Variants in PARP15 observed in about 807,000 individuals in gnomAD.
The protein encoded by PARP15 is protein mono-ADP-ribosyltransferase PARP15.
PARP15 carries 50 observed loss-of-function variants against 62.1 expected under a neutral mutation model. The observed-to-expected ratio is 0.81, with a 90% confidence interval of 0.64 to 1.02. The LOEUF (loss-of-function observed/expected upper bound fraction) is 1.02, where lower values mean the gene tolerates loss of function less well. Among genes scored for constraint, PARP15 ranks in the 50% least tolerant of loss-of-function variants. The probability of loss-of-function intolerance (pLI) is 0.00; values close to 1 mark genes in which losing one functional copy is unlikely to be tolerated. For synonymous variants in PARP15, 309 were observed against 293.1 expected (o/e 1.05, Z -0.55); for missense variants, 820 against 826.5 (o/e 0.99, Z 0.10).
chr3:122,621,556 A>G lies in PARP15; in HGVS notation c.1176A>G (p.Leu392=), dbSNP rs1276193928. 1.2e-6 allele frequency: 2 copies of G among 1,613,864 alleles called. No homozygotes were observed. Among genetic ancestry groups the G allele is most frequent in the African/African-American group, 2.7e-5 (2 of 74,898 alleles). Residue 392 remains leucine (L), a synonymous_variant, in exon 8 of 12, where the codon CTA becomes CTG. Coordinates refer to ENST00000464300, the MANE Select transcript of PARP15 (RefSeq NM_001113523.3). ...KDVRKTVTSV[L]EECEQRKYTS... is the part of the protein sequence containing the mutation. ...TCAGGAAAACGGTCACCAGTGTTCT[A>G]GAAGAGTGTGAACAGAGGAAGTACA...
At chr3:122,615,569 T>C (rs1935905517) in intron 4 of PARP15, 1 of 1,228,614 alleles carries the variant, frequency 8.1e-7, no homozygotes, top group Non-Finnish European at 1.1e-6. Context: ...CAGTGTTAGT[T>C]TACTCACAAA....
chr3:122,584,113 T>C (rs1261943718), intron 1 of PARP15, among the ~76,000 whole-genome samples: 1 of 152,232 alleles, frequency 6.6e-6, no homozygotes. Context: ...CTGTCCCATA[T>C]TGCCTGTTAT....
rs766158836 is a variant in PARP15, at chr3:122,626,834, C to T, written c.1239C>T (p.Ala413=). 33 of 1,601,658 alleles carry T rather than the reference C, an allele frequency of 2.1e-5. No homozygotes were observed. The highest frequency in any genetic ancestry group is 6.8e-5 in the South Asian group (6 of 87,730). The change falls in exon 9 of 12, where the codon GCC becomes GCT. Residue 413 remains alanine (A), a synonymous_variant. Transcript: ENST00000464300. The part of the protein sequence containing the change: ...VSLPAIGTGN[A]GKNPITVADN... ...ATTAAATTTTTTTTTCAGGAAATGC[C>T]GGAAAAAACCCTATCACAGTTGCTG...
Position 122,636,138 on chromosome 3 carries a change from T to G in PARP15, c.*38T>G. 6.4e-7 allele frequency: 1 copy of G among 1,559,450 alleles called. No individual in the cohort carries two copies. Among genetic ancestry groups the G allele is most frequent in the Non-Finnish European group, 8.8e-7 (1 of 1,142,652 alleles). On this transcript the variant is annotated 3_prime_UTR_variant, in exon 12 of 12. Transcript: ENST00000464300. Reference sequence around the variant, plus strand: ...CATCAAAGAGATGATTTAAGTCATCTGTAAGAACAACATGCAATCTTTGTC... The same window carrying G: ...CATCAAAGAGATGATTTAAGTCATCGGTAAGAACAACATGCAATCTTTGTC...
chr3:122,604,029 G>A (rs893369532), intron 1 of PARP15, among the ~76,000 whole-genome samples: 1 of 152,212 alleles, frequency 6.6e-6, no homozygotes, highest in Non-Finnish European at 1.5e-5. Flanking sequence ...ATATGGATTA[G>A]TAATGTCTGT....
intron 1 of PARP15, among the ~76,000 whole-genome samples, chr3:122,589,989 C>T (rs1026856197): frequency 6.7e-6 from 1 of 149,238 alleles, no homozygotes; most frequent in African/African-American, 2.5e-5. Flanking sequence ...GGGTTCATGC[C>T]ATTCTTCTGC....
intron 1 of PARP15, among the ~76,000 whole-genome samples, chr3:122,586,554 C>T (rs1933445929): frequency 6.6e-6 from 1 of 152,144 alleles, no homozygotes; most frequent in South Asian, 2.1e-4. Flanking sequence ...TCTAGAATTG[C>T]TATTGTGGTT....
chr3:122,588,002 A>G (rs1225725735), intron 1 of PARP15, among the ~76,000 whole-genome samples: 1 of 152,132 alleles, frequency 6.6e-6, no homozygotes, highest in Non-Finnish European at 1.5e-5. Flanking sequence ...GTTTTAGATA[A>G]CACTTCTTTT....
intron 2 of PARP15, among the ~76,000 whole-genome samples, chr3:122,607,919 G>A (rs527977015): frequency 5.3e-5 from 8 of 152,098 alleles, no homozygotes; most frequent in South Asian, 4.2e-4. Context: ...CTCCAATCAC[G>A]CCTCAGTACT....
rs761138871 is a variant in PARP15 at position 122,577,764 on chromosome 3, G to C, written c.97G>C (p.Ala33Pro). 7.6e-5 allele frequency: 118 copies of C among 1,551,564 alleles called. No homozygotes were observed. Among genetic ancestry groups the C allele is most frequent in the Non-Finnish European group, 9.8e-5 (112 of 1,146,972 alleles). The change falls in exon 1 of 12, where the codon GCC becomes CCC. Residue 33 changes from alanine to proline, a missense_variant. Transcript: ENST00000464300. ...CGGAGTTGCAGGTGTTACTTCCAGA[G>C]CCGGACGAGATCGGGAGGCGGGGAG... ...MHGVAGVTSR[A>P]GRDREAGSVL...
rs149513092 is a variant in PARP15 at position 122,624,836 on chromosome 3, A to G, written c.1232-1991A>G. ...TTCTAAATATTCACCATTATACATAATTGTATACTTATTCTTTTTCTGAGA... is the reference window on the plus strand; with the variant it reads ...TTCTAAATATTCACCATTATACATAGTTGTATACTTATTCTTTTTCTGAGA... On this transcript the variant is annotated intron_variant, in intron 8 of 11. Coordinates refer to ENST00000464300, the MANE Select transcript of PARP15 (RefSeq NM_001113523.3). Among the ~76,000 whole-genome samples the G allele has an allele frequency of 3.5e-3, 527 of 152,186 alleles. 4 individuals are homozygous for G. The highest frequency in any genetic ancestry group is 2.9e-3 in the Non-Finnish European group (199 of 68,012).
At chr3:122,593,084 T>TTATC (rs1553727428) in intron 1 of PARP15, among the ~76,000 whole-genome samples, 89 of 64,030 alleles carry the variant, frequency 1.4e-3, no homozygotes, top group African/African-American at 3.7e-3. Flanking sequence ...AAAGATAAAA[T>TTATC]TATCTGTCTA....
chr3:122,630,992 G>A (rs917165121), intron 9 of PARP15, among the ~76,000 whole-genome samples: 5 of 152,154 alleles, frequency 3.3e-5, no homozygotes, highest in Admixed American at 3.3e-4. Flanking sequence ...CTGATTCCAA[G>A]TCCTGATAGC....
chr3:122,590,985 A>G (rs1559930508), intron 1 of PARP15, among the ~76,000 whole-genome samples: 1 of 152,218 alleles, frequency 6.6e-6, no homozygotes, highest in South Asian at 2.1e-4. Flanking sequence ...TTTTTTCCCC[A>G]TGATTTGGTG....
rs1261742208 is a variant in PARP15, at chr3:122,613,032, A to G, written c.544-9A>G. On this transcript the variant is annotated splice_polypyrimidine_tract_variant and intron_variant, in intron 3 of 11. Transcript: ENST00000464300. ...CCTAACTTATGTAAATGTACTTTGC[A>G]CATTTCAGATCATGGCAAATATAAT... is the stretch of plus-strand genomic sequence containing the variant. The G allele has an allele frequency of 6.5e-7, 1 of 1,547,226 alleles. No individual in the cohort carries two copies. Among genetic ancestry groups the G allele is most frequent in the East Asian group, 2.4e-5 (1 of 40,896 alleles).
intron 1 of PARP15, among the ~76,000 whole-genome samples, chr3:122,581,770 T>A (rs1355810017): frequency 6.6e-6 from 1 of 152,222 alleles, no homozygotes; most frequent in Non-Finnish European, 1.5e-5. Flanking sequence ...TTCTTACTTT[T>A]ATTGCCTGTG....
chr3:122,602,546 C>T (rs1934879859), intron 1 of PARP15, among the ~76,000 whole-genome samples: 1 of 152,234 alleles, frequency 6.6e-6, no homozygotes, highest in Non-Finnish European at 1.5e-5. Flanking sequence ...GAATCCCAAA[C>T]TCAGGCTCTG....
intron 2 of PARP15, among the ~76,000 whole-genome samples, chr3:122,608,186 C>T (rs541572172): frequency 6.6e-6 from 1 of 151,042 alleles, no homozygotes; most frequent in East Asian, 1.9e-4. Flanking sequence ...TTCACAATCC[C>T]ATGCTTTCTT....
intron 1 of PARP15, among the ~76,000 whole-genome samples, chr3:122,604,459 T>A (rs1935020118): frequency 6.6e-6 from 1 of 152,228 alleles, no homozygotes; most frequent in Non-Finnish European, 1.5e-5. Context: ...GGCTTATGCT[T>A]GTAATCCCAG....
Sources: allele counts gnomAD v4.1 joint callset (sites outside exome capture counted in the v4.1 genomes callset), GRCh38; gene constraint gnomAD v4.1.1; transcripts MANE v1.5; gene names NCBI Gene and HGNC (gene_info 2026-07-23, HGNC 2026-07-21).